SEL1L: variants seen among roughly 807,000 people sequenced by gnomAD.
The protein encoded by SEL1L is protein sel-1 homolog 1.
In SEL1L, 52 loss-of-function variants were observed where a neutral mutation model predicts 109.8. The observed-to-expected ratio is 0.47, with a 90% CI of 0.38 to 0.60. The LOEUF (loss-of-function observed/expected upper bound fraction) is 0.60, where lower values mean the gene tolerates loss of function less well. SEL1L is among the 20% of genes least tolerant of loss of function. The pLI is 0.00. For synonymous variants in SEL1L, 373 were observed against 339.6 expected (o/e 1.10, Z -1.08); for missense variants, 749 against 962.2 (o/e 0.78, Z 2.93).
chr14:81,482,434 T>C (rs1903388308), intron 19 of SEL1L, among the ~76,000 whole-genome samples: 2 of 152,174 alleles, frequency 1.3e-5, no homozygotes. Context: ...ATCCCAGCAC[T>C]TTTGGAGGCC....
chr14:81,516,692 C>T (rs548921124), intron 3 of SEL1L, among the ~76,000 whole-genome samples: 1 of 152,154 alleles, frequency 6.6e-6, no homozygotes, highest in Admixed American at 6.5e-5. Context: ...TTGGTACATG[C>T]TAGCAGAGGG....
chr14:81,472,440 A>G lies in SEL1L; in HGVS notation c.*4532T>C, dbSNP rs2139968887. 1 of 214,968 alleles carries G rather than the reference A, an allele frequency of 4.7e-6. No homozygotes were observed. Among genetic ancestry groups the G allele is most frequent in the East Asian group, 1.5e-4 (1 of 6,736 alleles). 13.3% of individuals were successfully genotyped at this position (214,968 alleles called of 1,614,324 possible). ...TGCCTGCTGGGAAGCTGGGGGCCAA[A>G]TTTGTAGCCCACTTCCAATTGCACT... On this transcript the variant is annotated 3_prime_UTR_variant, in exon 21 of 21. Transcript: ENST00000336735.
At chr14:81,490,109 A>G (rs936771837) in intron 13 of SEL1L, among the ~76,000 whole-genome samples, 7 of 152,256 alleles carry the variant, frequency 4.6e-5, no homozygotes, top group Non-Finnish European at 7.3e-5. Flanking sequence ...GGTAGATTAT[A>G]TAAGTTCAAG....
chr14:81,501,974 T>C (rs1202270252), intron 6 of SEL1L, among the ~76,000 whole-genome samples: 1 of 151,394 alleles, frequency 6.6e-6, no homozygotes, highest in East Asian at 1.9e-4. Flanking sequence ...CTATCTCTAA[T>C]ATAGACAAAA....
At position 81,476,549 on chromosome 14, in the gene SEL1L, C is replaced by T. The variant is rs147449626; in HGVS notation, c.*423G>A. 2 of 155,518 alleles carry T rather than the reference C, an allele frequency of 1.3e-5. No homozygotes were observed. Among genetic ancestry groups the T allele is most frequent in the African/African-American group, 4.8e-5 (2 of 41,354 alleles). The allele number at this position is 155,518 out of a possible 1,614,324, so 9.6% of individuals were successfully genotyped here. ...AGACTTTCGAACACGTTTAAACTTG[C>T]AACTGGGTTTTCCTTTTTACACTGA... On this transcript the variant is annotated 3_prime_UTR_variant, in exon 21 of 21. Coordinates refer to ENST00000336735, the MANE Select transcript of SEL1L (RefSeq NM_005065.6).
chr14:81,479,554 C>A, intron 20 of SEL1L, 58 bp downstream of exon 20: 1 of 1,554,570 alleles, frequency 6.4e-7, no homozygotes, highest in South Asian at 1.2e-5. Context: ...AAAAACAAAC[C>A]TCCAGGACAG....
At chr14:81,511,732 T>C (rs1884483526) in intron 3 of SEL1L, among the ~76,000 whole-genome samples, 3 of 152,242 alleles carry the variant, frequency 2.0e-5, no homozygotes, top group Non-Finnish European at 4.4e-5. Flanking sequence ...TGCCATTCTG[T>C]TGCTCAACAA....
At chr14:81,503,907 T>C (rs17115517) in intron 5 of SEL1L, among the ~76,000 whole-genome samples, 5,620 of 152,290 alleles carry the variant, frequency 0.037, 330 homozygotes, top group African/African-American at 0.12. Context: ...TTTATGTCAT[T>C]TTGAATTCTA....
intron 1 of SEL1L, 84 bp from the exon 2 acceptor site, chr14:81,527,822 G>C: frequency 1.2e-6 from 1 of 857,052 alleles, no homozygotes; most frequent in Non-Finnish European, 1.9e-6. Flanking sequence ...GAAAAGTATA[G>C]CAAATAATAA....
intron 6 of SEL1L, among the ~76,000 whole-genome samples, chr14:81,500,723 C>G (rs1883969069): frequency 6.6e-6 from 1 of 151,866 alleles, no homozygotes; most frequent in African/African-American, 2.4e-5. Context: ...TGAAAACAGA[C>G]AAGATATGAA....
chr14:81,511,319 C>A (rs1378102641), intron 3 of SEL1L, among the ~76,000 whole-genome samples: 3 of 152,206 alleles, frequency 2.0e-5, no homozygotes, highest in Non-Finnish European at 4.4e-5. Flanking sequence ...AAAGAGAAAG[C>A]AGCACAATCA....
intron 16 of SEL1L, 120 bp from the exon 17 acceptor site, chr14:81,486,574 T>C: frequency 1.1e-6 from 1 of 894,732 alleles, no homozygotes; most frequent in Non-Finnish European, 1.7e-6. Context: ...TTCTGGCAGC[T>C]TTCTTGAACA....
At chr14:81,491,556 G>C (rs1883537271) in intron 12 of SEL1L, among the ~76,000 whole-genome samples, 1 of 152,174 alleles carries the variant, frequency 6.6e-6, no homozygotes, top group South Asian at 2.1e-4. Flanking sequence ...CCAATTACTA[G>C]TATGATCATG....
intron 15 of SEL1L, 66 bp downstream of exon 15, chr14:81,487,789 C>T: frequency 2.5e-6 from 4 of 1,595,728 alleles, no homozygotes; most frequent in Non-Finnish European, 3.4e-6. Context: ...CATCATAATG[C>T]CATCTAGTAG....
chr14:81,485,002 G>C (rs1903476019), intron 18 of SEL1L, among the ~76,000 whole-genome samples: 2 of 152,186 alleles, frequency 1.3e-5, no homozygotes, highest in Non-Finnish European at 2.9e-5. Flanking sequence ...GGCAGAGAAT[G>C]TTGAAAGGAA....
intron 3 of SEL1L, among the ~76,000 whole-genome samples, chr14:81,507,436 A>C (rs1487348881): frequency 6.6e-6 from 1 of 152,032 alleles, no homozygotes; most frequent in Non-Finnish European, 1.5e-5. Context: ...GATAAGAGGA[A>C]AGTTGAGTCA....
rs1481792153 is a variant in SEL1L, at chr14:81,472,997, G to A, written c.*3975C>T. 6.5e-6 allele frequency: 1 copy of A among 154,726 alleles called. No individual in the cohort carries two copies. The highest frequency in any genetic ancestry group is 6.4e-5 in the Admixed American group (1 of 15,650). 9.6% of individuals were successfully genotyped at this position (154,726 alleles called of 1,614,324 possible). Reference sequence around the variant, plus strand: ...ATTCTGTACATCTCTCTATTAACAGGATTTGTTTACACAATTATATTACAC... The same window carrying A: ...ATTCTGTACATCTCTCTATTAACAGAATTTGTTTACACAATTATATTACAC... On this transcript the variant is annotated 3_prime_UTR_variant, in exon 21 of 21. Coordinates refer to ENST00000336735, the MANE Select transcript of SEL1L (RefSeq NM_005065.6).
At chr14:81,521,015 C>T (rs1053589056) in intron 3 of SEL1L, among the ~76,000 whole-genome samples, 5 of 152,098 alleles carry the variant, frequency 3.3e-5, no homozygotes, top group African/African-American at 7.2e-5. Flanking sequence ...CTCTACACCC[C>T]GCTCACGTCT....
chr14:81,508,939 T>G (rs528875937), intron 3 of SEL1L, among the ~76,000 whole-genome samples: 1 of 152,258 alleles, frequency 6.6e-6, no homozygotes, highest in South Asian at 2.1e-4. Flanking sequence ...TAAAAAAAAT[T>G]TGACAACAAA....
Sources: gnomAD v4.1 joint callset for allele counts (sites outside exome capture counted in the v4.1 genomes callset) on GRCh38, gnomAD v4.1.1 for gene constraint, MANE v1.5 for transcripts, NCBI Gene and HGNC (gene_info 2026-07-23, HGNC 2026-07-21) for gene names.